Variants in POLR2F observed in about 807,000 individuals in gnomAD.
The protein encoded by POLR2F is RNA polymerase II, I and III subunit F, also known as DNA-directed RNA polymerases I, II, and III subunit RPABC2.
A neutral mutation model predicts 22.7 loss-of-function variants in POLR2F; 12 were observed. The observed-to-expected ratio is 0.53, with a 90% CI of 0.34 to 0.86. POLR2F has a LOEUF of 0.86. Ranked by LOEUF, POLR2F falls within the 40% of genes least tolerant of loss-of-function variation. The pLI is 0.02. For missense variants in POLR2F, 126 were observed against 171.5 expected (o/e 0.73, Z 1.48); for synonymous variants, 57 against 66.0 (o/e 0.86, Z 0.66).
intron 5 of POLR2F, among the ~76,000 whole-genome samples, chr22:38,033,962 G>A (rs1569185787): frequency 6.6e-6 from 1 of 152,154 alleles, no homozygotes; most frequent in African/African-American, 2.4e-5. Flanking sequence ...TGGGAGTCAA[G>A]AGAGGTTGTG....
intron 1 of POLR2F, chr22:37,988,367 T>C (rs1386658263): frequency 6.7e-6 from 1 of 149,124 alleles, no homozygotes; most frequent in Non-Finnish European, 1.5e-5. Context: ...AAAAACATAC[T>C]GAGCCAGGCG....
chr22:37,984,706 C>G (rs538547566), upstream of POLR2F, among the ~76,000 whole-genome samples: 10 of 152,282 alleles, frequency 6.6e-5, no homozygotes, highest in South Asian at 1.9e-3. This position sits in a 1 kb window ranked among gnomAD's most constrained non-coding sequence, Gnocchi z 4.4. Context: ...GCCCCCCCAC[C>G]CAGCTCCCTG....
intron 3 of POLR2F, among the ~76,000 whole-genome samples, chr22:37,962,750 GCAC>G (rs1438554506): frequency 7.9e-5 from 12 of 151,564 alleles, no homozygotes; most frequent in South Asian, 2.1e-4. Flanking sequence ...GAGTGCAGTG[GCAC>G]AGTCTTGGCT....
intron 1 of POLR2F, 113 bp from the exon 2 acceptor site, chr22:37,956,660 G>A (rs1015185108): frequency 8.4e-6 from 7 of 830,224 alleles, no homozygotes; most frequent in African/African-American, 3.3e-5. Flanking sequence ...CAAGTGATCC[G>A]CCCACTTCAA....
At chr22:37,954,596 C>T (rs1333505588) in intron 1 of POLR2F, among the ~76,000 whole-genome samples, 1 of 152,128 alleles carries the variant, frequency 6.6e-6, no homozygotes, top group Non-Finnish European at 1.5e-5. Context: ...CCACCGTGCC[C>T]GGCCTGCTTG....
downstream of POLR2F, chr22:37,973,387 C>A: frequency 1.3e-6 from 1 of 749,080 alleles, no homozygotes; most frequent in East Asian, 2.7e-5. Flanking sequence ...GCCTCTTCAG[C>A]CTCCTCAGCC....
rs560610587 is a variant in POLR2F, at chr22:38,016,367, C to T, written c.121-9502C>T. On this transcript the variant is annotated intron_variant, in intron 1 of 2. Coordinates refer to the POLR2F transcript ENST00000333418. The surrounding 1 kb of genome is among the most constrained non-coding windows in gnomAD (Gnocchi z 4.4). ...CTCCTCCCTCTGTACCTCCACCAGC[C>T]GTCCCTGGGATGCTCCAGGAAGTGC... Among the ~76,000 whole-genome samples the T allele has an allele frequency of 7.7e-4, 117 of 152,350 alleles. 1 individual carries two copies. Among genetic ancestry groups the T allele is most frequent in the African/African-American group, 2.7e-3 (113 of 41,590 alleles).
rs1178360968 is a variant in POLR2F at position 37,980,905 on chromosome 22, C to A, written c.293+13735C>A. Among the ~76,000 whole-genome samples, 2 of 152,216 alleles carry A rather than the reference C, an allele frequency of 1.3e-5. No individual in the cohort carries two copies. Among genetic ancestry groups the A allele is most frequent in the Non-Finnish European group, 1.5e-5 (1 of 68,046 alleles). ...GGGCCTGTGGCACTGGGAACAGAGG[C>A]TGGGTGACCCCCACCACACAGGAGG... On this transcript the variant is annotated intron_variant, in intron 4 of 4. Transcript: ENST00000405557. The surrounding 1 kb of genome is among the most constrained non-coding windows in gnomAD (Gnocchi z 4.1).
chr22:37,989,227 C>G (rs1256832749), intron 1 of POLR2F, among the ~76,000 whole-genome samples: 1 of 152,166 alleles, frequency 6.6e-6, no homozygotes, highest in African/African-American at 2.4e-5. Context: ...TGTTGATAAT[C>G]TTATGCACCC....
At chr22:37,963,527 C>G (rs1931733120) in intron 3 of POLR2F, among the ~76,000 whole-genome samples, 1 of 152,130 alleles carries the variant, frequency 6.6e-6, no homozygotes, top group South Asian at 2.1e-4. Context: ...CCTGCTTCAG[C>G]CTCCAAAGTG....
chr22:38,027,853 T>A (rs2085029249), downstream of POLR2F, among the ~76,000 whole-genome samples: 3 of 152,076 alleles, frequency 2.0e-5, no homozygotes, highest in South Asian at 6.2e-4. Context: ...CAGCTGCCAA[T>A]GTTTATTGAG....
intron 3 of POLR2F, among the ~76,000 whole-genome samples, chr22:37,963,331 C>T (rs1285675996): frequency 7.9e-5 from 12 of 152,136 alleles, no homozygotes; most frequent in South Asian, 2.1e-4. Context: ...CTCTATCACC[C>T]GGGCTGGAGT....
downstream of POLR2F, among the ~76,000 whole-genome samples, chr22:37,970,285 C>A (rs1932004999): frequency 2.0e-5 from 2 of 102,104 alleles, no homozygotes; most frequent in Non-Finnish European, 3.8e-5. Context: ...CAGAGAGAGA[C>A]TCCGTCTCAA....
Position 37,967,645 on chromosome 22 carries a change from T to G in POLR2F, c.314T>G (p.Ile105Ser). The G allele has an allele frequency of 6.2e-7, 1 of 1,613,984 alleles. No homozygotes were observed. Among genetic ancestry groups the G allele is most frequent in the South Asian group, 1.1e-5 (1 of 91,068 alleles). ...KELKARKIPI[I>S]IRRYLPDGSY... The stretch of plus-strand genomic sequence containing the variant: ...CACAGGGCCCGAAAGATCCCCATCA[T>G]CATTCGCCGTTACCTGCCAGATGGG... Residue 105 changes from isoleucine to serine, a missense_variant, in exon 5 of 5, where the codon ATC becomes AGC. Coordinates refer to ENST00000442738, the MANE Select transcript of POLR2F (RefSeq NM_021974.5).
At chr22:37,994,501 C>T (rs748638697) in intron 1 of POLR2F, among the ~76,000 whole-genome samples, 26 of 151,938 alleles carry the variant, frequency 1.7e-4, no homozygotes, top group Admixed American at 3.3e-4. Flanking sequence ...CACCAGCCAC[C>T]ACGCCTGGCT....
chr22:38,000,453 T>C (rs2084758877), intron 1 of POLR2F, among the ~76,000 whole-genome samples: 1 of 151,746 alleles, frequency 6.6e-6, no homozygotes, highest in African/African-American at 2.4e-5. Flanking sequence ...ATAGCTGGGG[T>C]GGGGAGAGGA....
rs1035950223 is a variant in POLR2F at position 38,017,291 on chromosome 22, TA to T, written c.121-8577del. On this transcript the variant is annotated intron_variant, in intron 1 of 2. Coordinates refer to the POLR2F transcript ENST00000333418. This position sits in a 1 kb window ranked among gnomAD's most constrained non-coding sequence, Gnocchi z 4.1. ...CTGTGCGTCTGAGCCTCGGGTGGAATAGGGGGCTCACACTAGGACAGAAAAC... is the reference window on the plus strand; with the variant it reads ...CTGTGCGTCTGAGCCTCGGGTGGAATGGGGGCTCACACTAGGACAGAAAAC... 5.9e-5 allele frequency among the ~76,000 whole-genome samples: 9 copies of T among 152,104 alleles called. No homozygotes were observed. The highest frequency in any genetic ancestry group is 1.9e-4 in the African/African-American group (8 of 41,420).
At chr22:37,954,411 T>A (rs1421564181) in intron 1 of POLR2F, among the ~76,000 whole-genome samples, 1 of 152,074 alleles carries the variant, frequency 6.6e-6, no homozygotes. Flanking sequence ...CAAGGGATTC[T>A]CCTGCCTCAG....
Position 37,953,803 on chromosome 22 carries a change from G to A in POLR2F, c.16G>A (p.Asp6Asn), listed in dbSNP as rs1358021203. MSDNE[D>N]NFDGDDFDDV... ...CGAGGGTGTCATGTCAGACAACGAG[G>A]ACAAGTGAGTGCGGGAGCGGAGTGG... Residue 6 changes from aspartate to asparagine, a missense_variant, in exon 1 of 5, where the codon GAC becomes AAC. Transcript: ENST00000442738. The A allele has an allele frequency of 6.2e-7, 1 of 1,609,900 alleles. No homozygotes were observed. The highest frequency in any genetic ancestry group is 1.1e-5 in the South Asian group (1 of 90,312).
Sources: gnomAD v4.1 joint callset for allele counts (sites outside exome capture counted in the v4.1 genomes callset) on GRCh38, gnomAD v4.1.1 for gene constraint, Gnocchi (gnomAD v3.1) non-coding constraint, MANE v1.5 for transcripts, NCBI Gene and HGNC (gene_info 2026-07-23, HGNC 2026-07-21) for gene names.